DTNA: variants seen among roughly 807,000 people sequenced by gnomAD.
DTNA encodes dystrobrevin alpha, also known as dystrophin-related protein 3.
In DTNA, 43 loss-of-function variants were observed where a neutral mutation model predicts 100.7. The ratio of observed to expected loss-of-function variants is 0.43; its 90% CI spans 0.33 to 0.55. The LOEUF (loss-of-function observed/expected upper bound fraction) is 0.55, where lower values mean the gene tolerates loss of function less well. Ranked by LOEUF, DTNA falls within the 20% of genes least tolerant of loss-of-function variation. The pLI is 0.04. For missense variants in DTNA, 798 were observed against 953.9 expected (o/e 0.84, Z 2.15); for synonymous variants, 349 against 347.9 (o/e 1.00, Z -0.04).
At chr18:34,573,866 C>G (rs749610754) in intron 1 of DTNA, 3 of 152,262 alleles carry the variant, frequency 2.0e-5, no homozygotes, top group Non-Finnish European at 4.4e-5. Context: ...CCCCTAATAA[C>G]TAACCACCAT....
chr18:34,640,688 C>A (rs968339147), intron 1 of DTNA, among the ~76,000 whole-genome samples: 2 of 152,198 alleles, frequency 1.3e-5, no homozygotes, highest in African/African-American at 4.8e-5. Flanking sequence ...TAGAATGTCT[C>A]CCATGATTTG....
intron 11 of DTNA, among the ~76,000 whole-genome samples, chr18:34,830,884 G>A (rs992309177): frequency 2.0e-5 from 3 of 152,082 alleles, no homozygotes; most frequent in African/African-American, 7.2e-5. Context: ...TATCACCACT[G>A]GGGAAAGAGC....
chr18:34,640,969 A>G (rs537186180), intron 1 of DTNA, among the ~76,000 whole-genome samples: 3 of 152,256 alleles, frequency 2.0e-5, no homozygotes, highest in Non-Finnish European at 4.4e-5. Context: ...AAGGCATTTG[A>G]ATTTTACCAG....
At chr18:34,519,400 T>C (rs920418964) in intron 1 of DTNA, among the ~76,000 whole-genome samples, 9 of 152,142 alleles carry the variant, frequency 5.9e-5, no homozygotes, top group Admixed American at 5.2e-4. Flanking sequence ...TTTGGTGCAC[T>C]TCAGGTATGA....
At chr18:34,537,889 GAAGATTACAAAT>G (rs2043871311) in intron 1 of DTNA, among the ~76,000 whole-genome samples, 1 of 151,920 alleles carries the variant, frequency 6.6e-6, no homozygotes, top group Non-Finnish European at 1.5e-5. Flanking sequence ...GTATTTATTA[GAAGATTACAAAT>G]AAGATGCATA....
At chr18:34,627,574 G>GA (rs1599266480) in intron 1 of DTNA, among the ~76,000 whole-genome samples, 2 of 152,198 alleles carry the variant, frequency 1.3e-5, no homozygotes, top group East Asian at 3.8e-4. Context: ...CATGCTATCT[G>GA]AAAAGTCCCT....
chr18:34,851,148 G>C (rs542119790), intron 14 of DTNA, among the ~76,000 whole-genome samples: 18 of 152,096 alleles, frequency 1.2e-4, no homozygotes, highest in Non-Finnish European at 2.6e-4. Context: ...CTGTCACCCA[G>C]GCTGGAATGC....
At chr18:34,785,603 C>G (rs1278460207) in intron 3 of DTNA, among the ~76,000 whole-genome samples, 1 of 151,990 alleles carries the variant, frequency 6.6e-6, no homozygotes, top group Non-Finnish European at 1.5e-5. Flanking sequence ...CACTTGAATC[C>G]CAGTGTCTCA....
At chr18:34,501,366 C>T (rs2039902262) in intron 1 of DTNA, among the ~76,000 whole-genome samples, 1 of 151,942 alleles carries the variant, frequency 6.6e-6, no homozygotes, top group South Asian at 2.1e-4. Context: ...ATTGATTTGC[C>T]AATATTTTGT....
At chr18:34,573,163 A>T (rs766765075) in intron 1 of DTNA, among the ~76,000 whole-genome samples, 2 of 152,180 alleles carry the variant, frequency 1.3e-5, no homozygotes, top group African/African-American at 4.8e-5. Context: ...TTTAGCTTCT[A>T]TATTTCTGCT....
intron 1 of DTNA, among the ~76,000 whole-genome samples, chr18:34,745,298 A>C (rs1718075305): frequency 6.6e-6 from 1 of 152,120 alleles, no homozygotes; most frequent in Non-Finnish European, 1.5e-5. Flanking sequence ...TCAATACTGC[A>C]CTTTCACTCT....
chr18:34,864,232 A>G (rs999834512), intron 17 of DTNA, among the ~76,000 whole-genome samples, 170 bp downstream of exon 17: 1 of 151,410 alleles, frequency 6.6e-6, no homozygotes, highest in African/African-American at 2.4e-5. Context: ...AGTAGCTGTC[A>G]GTAATAGAAC....
chr18:34,696,948 T>C (rs2080653681), intron 1 of DTNA, among the ~76,000 whole-genome samples: 1 of 152,140 alleles, frequency 6.6e-6, no homozygotes, highest in Non-Finnish European at 1.5e-5. Flanking sequence ...TTTAGCAATA[T>C]CTGTAGGCAT....
rs2096745031 is a variant in DTNA at position 34,869,748 on chromosome 18, A to G, written c.1744-5491A>G. On this transcript the variant is annotated intron_variant, in intron 17 of 22. Transcript: ENST00000444659. ...GTCAAGGATAAAACTAAGGCCGTGC[A>G]CGGTGGCTCACGCCTGTAATCCCAG... 2.6e-5 allele frequency among the ~76,000 whole-genome samples: 4 copies of G among 152,226 alleles called. No homozygotes were observed. The South Asian group carries it at 8.3e-4, about 32-fold the overall frequency.
At chr18:34,817,772 G>A (rs756785604) in intron 7 of DTNA, among the ~76,000 whole-genome samples, 7 of 152,110 alleles carry the variant, frequency 4.6e-5, no homozygotes, top group Non-Finnish European at 1.0e-4. Flanking sequence ...TGGACAATCA[G>A]CATTCACCCC....
intron 1 of DTNA, among the ~76,000 whole-genome samples, chr18:34,572,201 C>T (rs1047301908): frequency 6.6e-6 from 1 of 152,174 alleles, no homozygotes; most frequent in African/African-American, 2.4e-5. Context: ...GAACCCAGCC[C>T]TAGAGATTCT....
At chr18:34,857,970 C>T (rs747156882) in intron 15 of DTNA, among the ~76,000 whole-genome samples, 6 of 152,172 alleles carry the variant, frequency 3.9e-5, no homozygotes, top group Non-Finnish European at 8.8e-5. Flanking sequence ...ACCTTACTTG[C>T]TAGTAGTAAT....
In DTNA at chr18:34,635,704, C is replaced by A. The variant is rs117789373; in HGVS notation, c.-1-120272C>A. Reference sequence around the variant, plus strand: ...ATTTTACTTAACGATAACAAAAACACGAATTTTGTTAATATAACCATTGAT... The same window carrying A: ...ATTTTACTTAACGATAACAAAAACAAGAATTTTGTTAATATAACCATTGAT... On this transcript the variant is annotated intron_variant, in intron 1 of 19. Coordinates refer to the DTNA transcript ENST00000283365. Among the ~76,000 whole-genome samples the A allele has an allele frequency of 5.0e-3, 765 of 152,180 alleles. 3 individuals carry two copies. The highest frequency in any genetic ancestry group is 7.6e-3 in the Non-Finnish European group (520 of 67,994).
chr18:34,526,981 T>A (rs1031531194), intron 1 of DTNA, among the ~76,000 whole-genome samples: 4 of 152,142 alleles, frequency 2.6e-5, no homozygotes, highest in Non-Finnish European at 2.9e-5. Flanking sequence ...CACTGAAATC[T>A]TAGGCAGATC....
Sources: allele counts gnomAD v4.1 joint callset (sites outside exome capture counted in the v4.1 genomes callset), GRCh38; gene constraint gnomAD v4.1.1; transcripts MANE v1.5; gene names NCBI Gene and HGNC (gene_info 2026-07-23, HGNC 2026-07-21).